PHACTR2: variants seen among roughly 807,000 people sequenced by gnomAD.
The protein encoded by PHACTR2 is chromosome 6 open reading frame 56.
Under a neutral mutation model 76.0 loss-of-function variants are expected in PHACTR2, and 30 were observed. The observed-to-expected ratio is 0.39, with a 90% CI of 0.30 to 0.54. The LOEUF (loss-of-function observed/expected upper bound fraction) is 0.54. PHACTR2 is among the 20% of genes least tolerant of loss of function. The pLI is 0.61. For synonymous variants in PHACTR2, 292 were observed against 292.5 expected (o/e 1.00, Z 0.02); for missense variants, 696 against 781.1 (o/e 0.89, Z 1.30).
chr6:143,737,015 C>A (rs1403229994), intron 2 of PHACTR2, among the ~76,000 whole-genome samples: 2 of 151,904 alleles, frequency 1.3e-5, no homozygotes, highest in Admixed American at 6.6e-5. Context: ...TGGATTTGAA[C>A]ACAAAGGTAT....
Position 143,592,621 on chromosome 6 carries a change from CTCTG to C in PHACTR2, c.217+55421_217+55424del, listed in dbSNP as rs1242210730. ...TCCATTAACCTAGTAATGTCCTTCC[CTCTG>C]TCTGTCCATCTCATCGATAAAGCCA... On this transcript the variant is annotated intron_variant, in intron 1 of 11. Transcript: ENST00000367584. The surrounding 1 kb of genome is among the most constrained non-coding windows in gnomAD (Gnocchi z 4.0). 1.3e-5 allele frequency among the ~76,000 whole-genome samples: 2 copies of C among 152,178 alleles called. No individual in the cohort carries two copies. Among genetic ancestry groups the C allele is most frequent in the African/African-American group, 2.4e-5 (1 of 41,436 alleles).
In PHACTR2 at chr6:143,594,711, G is replaced by A. The variant is rs562271275; in HGVS notation, c.217+57504G>A. 9.4e-4 allele frequency among the ~76,000 whole-genome samples: 143 copies of A among 152,358 alleles called. 1 individual carries two copies. Among genetic ancestry groups the A allele is most frequent in the Non-Finnish European group, 1.7e-3 (119 of 68,042 alleles). On this transcript the variant is annotated intron_variant, in intron 1 of 11. Coordinates refer to the PHACTR2 transcript ENST00000367584. ...AGGCTTCTGCCTCAGTGCTGGCCTT[G>A]GCCTATACCTAGCCAGCCGCACATG... is the stretch of plus-strand genomic sequence containing the variant.
intron 6 of PHACTR2, among the ~76,000 whole-genome samples, chr6:143,768,883 C>T (rs1383646805): frequency 1.3e-5 from 2 of 152,140 alleles, no homozygotes. Context: ...TCAGTTCATC[C>T]TACAGGGATG....
chr6:143,740,016 T>C lies in PHACTR2; in HGVS notation c.215-8969T>C, dbSNP rs7742537. Among the ~76,000 whole-genome samples the C allele has an allele frequency of 8.7e-3, 1,330 of 152,294 alleles. 11 individuals carry two copies. The highest frequency in any genetic ancestry group is 0.029 in the African/African-American group (1,207 of 41,568). On this transcript the variant is annotated intron_variant, in intron 2 of 12. Coordinates refer to ENST00000440869, the MANE Select transcript of PHACTR2 (RefSeq NM_001100164.2). ...CCATAAAGTGAAGTGAAAGCAAGTT[T>C]ATTAAGAAAGTAAAGGAATAAGAGA...
chr6:143,719,312 GATCC>G (rs1295714595), intron 2 of PHACTR2, among the ~76,000 whole-genome samples: 1 of 148,344 alleles, frequency 6.7e-6, no homozygotes, highest in African/African-American at 2.5e-5. Context: ...AGCACATCTA[GATCC>G]ACAGAGGGCT....
chr6:143,715,092 G>A (rs1778272838), intron 2 of PHACTR2, among the ~76,000 whole-genome samples: 1 of 151,968 alleles, frequency 6.6e-6, no homozygotes, highest in Non-Finnish European at 1.5e-5. Context: ...TTTTCCCACT[G>A]CAATCTATCT....
upstream of PHACTR2, among the ~76,000 whole-genome samples, chr6:143,677,411 C>T (rs1777269781): frequency 6.6e-6 from 1 of 151,958 alleles, no homozygotes; most frequent in Admixed American, 6.6e-5. Flanking sequence ...CTTTATTTCA[C>T]AGTAATTCTT....
intron 1 of PHACTR2, among the ~76,000 whole-genome samples, chr6:143,636,223 A>AAC (rs1378851768): frequency 6.6e-6 from 1 of 151,858 alleles, no homozygotes; most frequent in Non-Finnish European, 1.5e-5. Flanking sequence ...AGAAAAAAAA[A>AAC]AAAAAATTAA....
In PHACTR2 at chr6:143,591,433, C is replaced by T. The variant is rs555957646; in HGVS notation, c.217+54226C>T. On this transcript the variant is annotated intron_variant, in intron 1 of 11. Coordinates refer to the PHACTR2 transcript ENST00000367584. This position sits in a 1 kb window ranked among gnomAD's most constrained non-coding sequence, Gnocchi z 6.4. Reference sequence around the variant, plus strand: ...GGCCAAGGAGAGTGTCATCAAGTTCCCTGTTCCACAGCTTGTTACAGGAGC... The same window carrying T: ...GGCCAAGGAGAGTGTCATCAAGTTCTCTGTTCCACAGCTTGTTACAGGAGC... Among the ~76,000 whole-genome samples, 3 of 152,274 alleles carry T rather than the reference C, an allele frequency of 2.0e-5. No individual in the cohort carries two copies. The South Asian group carries it at 6.2e-4, about 32-fold the overall frequency.
Position 143,754,679 on chromosome 6 carries a change from A to T in PHACTR2, c.454+767A>T, listed in dbSNP as rs1779262677. Among the ~76,000 whole-genome samples the T allele has an allele frequency of 6.6e-6, 1 of 152,248 alleles. No homozygotes were observed. Among genetic ancestry groups the T allele is most frequent in the Non-Finnish European group, 1.5e-5 (1 of 68,042 alleles). On this transcript the variant is annotated intron_variant, in intron 4 of 12. Coordinates refer to ENST00000440869, the MANE Select transcript of PHACTR2 (RefSeq NM_001100164.2). The surrounding 1 kb of genome is among the most constrained non-coding windows in gnomAD (Gnocchi z 6.2). ...ATGACATCTCGATACCACTGCTGTG[A>T]TGCGTAGGAACCTCCAAACATGAAA...
At position 143,696,082 on chromosome 6, in the gene PHACTR2, G is replaced by A. The variant is rs905683472; in HGVS notation, c.47-15934G>A. Among the ~76,000 whole-genome samples the A allele has an allele frequency of 1.4e-4, 22 of 152,034 alleles. No individual in the cohort carries two copies. Among genetic ancestry groups the A allele is most frequent in the African/African-American group, 4.8e-4 (20 of 41,386 alleles). ...GTGCAAGCATAAAAATAAAAAATTC[G>A]CAATTTCCCAGCTGGTAGGAAATAG... On this transcript the variant is annotated intron_variant, in intron 1 of 12. Coordinates refer to ENST00000440869, the MANE Select transcript of PHACTR2 (RefSeq NM_001100164.2). This position sits in a 1 kb window ranked among gnomAD's most constrained non-coding sequence, Gnocchi z 4.1.
In PHACTR2 at chr6:143,753,827, G is replaced by A. The variant is rs914408778; in HGVS notation, c.369G>A (p.Glu123=). The A allele has an allele frequency of 3.1e-6, 5 of 1,612,800 alleles. No homozygotes were observed. In the African/African-American group the frequency reaches 5.3e-5, roughly 17 times the overall value. Residue 123 remains glutamate (E), a synonymous_variant, in exon 4 of 13, where the codon GAG becomes GAA. Transcript: ENST00000440869. The surrounding 1 kb of genome is among the most constrained non-coding windows in gnomAD (Gnocchi z 4.6). ...CCATCGGAGAGGAATCTACCCGAGA[G>A]GAAAATGTAGTAAAGTCTGAAGAAG... The part of the protein sequence containing the change: ...MIPIGEESTR[E]ENVVKSEEGN...
At chr6:143,560,435 C>T (rs1775251724) in intron 1 of PHACTR2, among the ~76,000 whole-genome samples, 1 of 152,106 alleles carries the variant, frequency 6.6e-6, no homozygotes, top group Non-Finnish European at 1.5e-5. Flanking sequence ...GACAAGAAAC[C>T]CAGCCTAGTT....
rs925934597 is a variant in PHACTR2 at position 143,658,376 on chromosome 6, A to G, written c.13+50054A>G. On this transcript the variant is annotated intron_variant, in intron 1 of 11. Coordinates refer to the PHACTR2 transcript ENST00000305766. The surrounding 1 kb of genome is among the most constrained non-coding windows in gnomAD (Gnocchi z 4.1). Reference sequence around the variant, plus strand: ...TAATGATAAGGTTCTCCTGTGCAGTATTTGAAAACGAATTACAGCACTCAG... The same window carrying G: ...TAATGATAAGGTTCTCCTGTGCAGTGTTTGAAAACGAATTACAGCACTCAG... Among the ~76,000 whole-genome samples the G allele has an allele frequency of 7.2e-5, 11 of 152,356 alleles. No individual in the cohort carries two copies. The highest frequency in any genetic ancestry group is 2.1e-4 in the South Asian group (1 of 4,830).
rs566656216 is a variant in PHACTR2, at chr6:143,583,104, T to C, written c.217+45897T>C. Among the ~76,000 whole-genome samples the C allele has an allele frequency of 6.6e-6, 1 of 152,372 alleles. No homozygotes were observed. The highest frequency in any genetic ancestry group is 2.1e-4 in the South Asian group (1 of 4,834). On this transcript the variant is annotated intron_variant, in intron 1 of 11. Transcript: ENST00000367584. The surrounding 1 kb of genome is among the most constrained non-coding windows in gnomAD (Gnocchi z 4.0). ...AGAATTTAGAATTTAGTTAAATTTC[T>C]ATTCTTGTCTTTGAATATAATGATG...
chr6:143,800,315 G>GC lies in PHACTR2; in HGVS notation c.1846-6741dup, dbSNP rs889576531. Among the ~76,000 whole-genome samples, 14 of 151,974 alleles carry GC rather than the reference G, an allele frequency of 9.2e-5. No homozygotes were observed. Among genetic ancestry groups the GC allele is most frequent in the African/African-American group, 3.4e-4 (14 of 41,380 alleles). ...CTGGCTCTGTTGCCCAGGCTGGAGT[G>GC]CAGTGGTGCAATCTCCGCTCACAGC... On this transcript the variant is annotated intron_variant, in intron 11 of 12. Transcript: ENST00000440869. The surrounding 1 kb of genome is among the most constrained non-coding windows in gnomAD (Gnocchi z 4.8).
rs972711849 is a variant in PHACTR2, at chr6:143,623,154, A to G, written c.13+14832A>G. Among the ~76,000 whole-genome samples, 4 of 152,206 alleles carry G rather than the reference A, an allele frequency of 2.6e-5. No individual in the cohort carries two copies. The highest frequency in any genetic ancestry group is 9.6e-5 in the African/African-American group (4 of 41,554). On this transcript the variant is annotated intron_variant, in intron 1 of 11. Coordinates refer to the PHACTR2 transcript ENST00000305766. The surrounding 1 kb of genome is among the most constrained non-coding windows in gnomAD (Gnocchi z 5.9). ...TAAAAATAGCATATTTTTAGACATGATTTAGTATATGTATTTTAAACTAAA... is the reference window on the plus strand; with the variant it reads ...TAAAAATAGCATATTTTTAGACATGGTTTAGTATATGTATTTTAAACTAAA...
intron 1 of PHACTR2, among the ~76,000 whole-genome samples, chr6:143,572,563 T>C (rs906855914): frequency 6.6e-6 from 1 of 152,350 alleles, no homozygotes; most frequent in African/African-American, 2.4e-5. Context: ...TGGTTGTTGT[T>C]GTTTTTGAAA....
Position 143,678,073 on chromosome 6 carries a change from T to A in PHACTR2, c.-91T>A, listed in dbSNP as rs527702361. ...GGGCCGCTCGGCACAGGCCGGGACA[T>A]GAACGCCTGGAAGTCTGGCTGGGAG... On this transcript the variant is annotated 5_prime_UTR_variant, in exon 1 of 13. The change abolishes an upstream ATG in the 5' untranslated region. Transcript: ENST00000440869. The surrounding 1 kb of genome is among the most constrained non-coding windows in gnomAD (Gnocchi z 6.2). The A allele has an allele frequency of 7.1e-6, 11 of 1,542,330 alleles. No individual in the cohort carries two copies. The highest frequency in any genetic ancestry group is 2.3e-4 in the Middle Eastern group (1 of 4,424).
Sources: gnomAD v4.1 joint callset for allele counts (sites outside exome capture counted in the v4.1 genomes callset) on GRCh38, gnomAD v4.1.1 for gene constraint, Gnocchi (gnomAD v3.1) non-coding constraint, MANE v1.5 for transcripts, NCBI Gene and HGNC (gene_info 2026-07-23, HGNC 2026-07-21) for gene names.